DHX37: variants seen among roughly 807,000 people sequenced by gnomAD.
DHX37 encodes the protein probable ATP-dependent RNA helicase DHX37.
A neutral mutation model predicts 134.3 loss-of-function variants in DHX37; 52 were observed. The ratio of observed to expected loss-of-function variants is 0.39; its 90% CI spans 0.31 to 0.49. DHX37 has a LOEUF of 0.49. Ranked by LOEUF, DHX37 falls within the 20% of genes least tolerant of loss-of-function variation. The pLI is 0.93. For missense variants in DHX37, 1,344 were observed against 1,580.8 expected (o/e 0.85, Z 2.54); for synonymous variants, 634 against 670.7 (o/e 0.95, Z 0.85).
At chr12:124,975,155 GC>G (rs1242792955) in intron 6 of DHX37, among the ~76,000 whole-genome samples, 3 of 152,172 alleles carry the variant, frequency 2.0e-5, no homozygotes, top group Non-Finnish European at 4.4e-5. Context: ...CCTGCATCTG[GC>G]CCCCTGCTCT....
chr12:124,977,511 C>T (rs1377167323), intron 4 of DHX37, 21 bp from the exon 5 acceptor site: 1 of 1,579,380 alleles, frequency 6.3e-7, no homozygotes, highest in Admixed American at 1.9e-5. Context: ...AGGAAGTCAG[C>T]ACTTAGGGAG....
At chr12:124,967,569 C>T (rs1954416393) in intron 10 of DHX37, among the ~76,000 whole-genome samples, 1 of 152,174 alleles carries the variant, frequency 6.6e-6, no homozygotes. Context: ...TGCCCAAGCT[C>T]CAGCCTCACC....
At chr12:124,977,635 G>T in intron 4 of DHX37, 145 bp from the exon 5 acceptor site, 3 of 875,406 alleles carry the variant, frequency 3.4e-6, no homozygotes, top group Non-Finnish European at 4.7e-6. Flanking sequence ...GAGGGGACCA[G>T]GAGCCATGGT....
In DHX37 at chr12:124,953,870, G is replaced by T. The variant is rs750718566; in HGVS notation, c.2695+10C>A. On this transcript the variant is annotated intron_variant, in intron 20 of 26. Coordinates refer to ENST00000308736, the MANE Select transcript of DHX37 (RefSeq NM_032656.4). Reference sequence around the variant, plus strand: ...GCCGGGTGCAGCGGCGTGCCGGCACGGGGCCGTACCTGCGGTGGTCAGCTG... The same window carrying T: ...GCCGGGTGCAGCGGCGTGCCGGCACTGGGCCGTACCTGCGGTGGTCAGCTG... 3.7e-6 allele frequency: 6 copies of T among 1,609,128 alleles called. No homozygotes were observed. In the Admixed American group the frequency reaches 6.7e-5, roughly 18 times the overall value.
Position 124,964,586 on chromosome 12 carries a change from A to G in DHX37, c.1853T>C (p.Val618Ala). 3 of 1,613,520 alleles carry G rather than the reference A, an allele frequency of 1.9e-6. No individual in the cohort carries two copies. Among genetic ancestry groups the G allele is most frequent in the Non-Finnish European group, 2.5e-6 (3 of 1,179,528 alleles). ...CGACGTCTCGGCCACATTGGTGGCCACAACACACAACCGAGTCCCCTCCGG... is the reference window on the plus strand; with the variant it reads ...CGACGTCTCGGCCACATTGGTGGCCGCAACACACAACCGAGTCCCCTCCGG... ...PPPEGTRLCV[V>A]ATNVAETSLT... Residue 618 changes from valine to alanine, a missense_variant, in exon 15 of 27, where the codon GTG becomes GCG. By Grantham distance (64) the Val-to-Ala change is moderately conservative. Transcript: ENST00000308736.
intron 5 of DHX37, 148 bp downstream of exon 5, chr12:124,977,194 G>T: frequency 1.0e-6 from 1 of 974,006 alleles, no homozygotes; most frequent in Non-Finnish European, 1.4e-6. Flanking sequence ...CTGGGGCCCA[G>T]AGAGGTTAAG....
At chr12:124,976,320 G>A (rs1954638484) in intron 5 of DHX37, among the ~76,000 whole-genome samples, 1 of 152,230 alleles carries the variant, frequency 6.6e-6, no homozygotes, top group Non-Finnish European at 1.5e-5. Flanking sequence ...AACATGCTGA[G>A]TCCTGGGAGT....
At chr12:124,986,064 C>A in intron 2 of DHX37, 32 bp downstream of exon 2, 2 of 1,610,836 alleles carry the variant, frequency 1.2e-6, no homozygotes, top group Non-Finnish European at 1.7e-6. Flanking sequence ...TGCTGGAGAG[C>A]CACTTGCAGA....
At position 124,950,141 on chromosome 12, in the gene DHX37, C is replaced by T; in HGVS notation, c.3216+8G>A. On this transcript the variant is annotated splice_region_variant and intron_variant, in intron 24 of 26. Coordinates refer to ENST00000308736, the MANE Select transcript of DHX37 (RefSeq NM_032656.4). ...GAGATGAGGGTCTGGAGCCGCTGTGCCACCTACCTGCCCTTCCAGCAGGAA... is the reference window on the plus strand; with the variant it reads ...GAGATGAGGGTCTGGAGCCGCTGTGTCACCTACCTGCCCTTCCAGCAGGAA... 1 of 1,613,992 alleles carries T rather than the reference C, an allele frequency of 6.2e-7. No individual in the cohort carries two copies. Among genetic ancestry groups the T allele is most frequent in the Non-Finnish European group, 8.5e-7 (1 of 1,180,016 alleles).
chr12:124,947,699 A>C lies in DHX37; in HGVS notation c.*103T>G, dbSNP rs1953901365. 2 of 1,402,322 alleles carry C rather than the reference A, an allele frequency of 1.4e-6. No homozygotes were observed. The highest frequency in any genetic ancestry group is 5.2e-4 in the Middle Eastern group (2 of 3,840). The allele number at this position is 1,402,322 out of a possible 1,614,324, so 86.9% of individuals were successfully genotyped here. A position where few individuals can be genotyped will look rare whatever the true frequency, so the allele number is the denominator to read the frequency against. ...AGGGCTTGACCCACTTCCTGAGAGC[A>C]GGCCACGAAGCCCATGCCAGGTGGT... On this transcript the variant is annotated 3_prime_UTR_variant, in exon 27 of 27. Transcript: ENST00000308736.
intron 6 of DHX37, 48 bp downstream of exon 6, chr12:124,975,371 G>A: frequency 6.3e-7 from 1 of 1,593,422 alleles, no homozygotes; most frequent in Middle Eastern, 1.7e-4. Flanking sequence ...ATCTGGGCAA[G>A]GCCACAGGAC....
At chr12:124,973,907 T>C (rs1040039463) in intron 6 of DHX37, among the ~76,000 whole-genome samples, 2 of 151,998 alleles carry the variant, frequency 1.3e-5, no homozygotes, top group East Asian at 3.9e-4. Context: ...CCTCCCAAAG[T>C]CCTGGGATTA....
chr12:124,967,327 G>C lies in DHX37; in HGVS notation c.1409-109C>G, dbSNP rs1013177897. On this transcript the variant is annotated intron_variant, in intron 10 of 26. Transcript: ENST00000308736. ...GAGAGGCAAGGTTCCAGGGATAATG[G>C]GGGAGGACAGGAGTACACAGACATA... 6.6e-5 allele frequency: 79 copies of C among 1,201,790 alleles called. No homozygotes were observed. In the African/African-American group the frequency reaches 1.0e-3, roughly 15 times the overall value. The allele number at this position is 1,201,790 out of a possible 1,614,324, so 74.4% of individuals were successfully genotyped here.
Position 124,980,627 on chromosome 12 carries a change from GCGGC to G in DHX37, c.597_600del (p.Pro200GlnfsTer14). On this transcript the variant is annotated frameshift_variant, in exon 4 of 27. Transcript: ENST00000308736. LOFTEE classifies it high-confidence loss of function. The surrounding 1 kb of genome is among the most constrained non-coding windows in gnomAD (Gnocchi z 5.3). ...GGCTGACTGCTGGGTGCTGGAGCTGGCGGCAGAGGTGCCACGGTGGTCCCCACAC... is the reference window on the plus strand; with the variant it reads ...GGCTGACTGCTGGGTGCTGGAGCTGGAGAGGTGCCACGGTGGTCCCCACAC... 1 of 1,608,444 alleles carries G rather than the reference GCGGC, an allele frequency of 6.2e-7. No homozygotes were observed. Among genetic ancestry groups the G allele is most frequent in the Middle Eastern group, 2.1e-4 (1 of 4,870 alleles).
At chr12:124,981,164 G>A (rs1379342687) in intron 3 of DHX37, among the ~76,000 whole-genome samples, 4 of 152,250 alleles carry the variant, frequency 2.6e-5, no homozygotes, top group East Asian at 1.9e-4. Context: ...TACATCTCCC[G>A]CCATGACACT....
Position 124,964,405 on chromosome 12 carries a change from G to GC in DHX37, c.2033dup (p.His679ProfsTer13). 6.2e-7 allele frequency: 1 copy of GC among 1,613,472 alleles called. No homozygotes were observed. On this transcript the variant is annotated frameshift_variant, in exon 15 of 27. Coordinates refer to ENST00000308736, the MANE Select transcript of DHX37 (RefSeq NM_032656.4). LOFTEE classifies it high-confidence loss of function. ...CCTGGGTGACCCACCTGTAGCAGTG[G>GC]CCGGGCTCCGTCCGTCCTGCTCTGC...
chr12:124,956,826 C>T lies in DHX37; in HGVS notation c.2318G>A (p.Arg773Gln), dbSNP rs754858470. The T allele has an allele frequency of 1.7e-5, 28 of 1,609,630 alleles. No homozygotes were observed. Among genetic ancestry groups the T allele is most frequent in the African/African-American group, 4.0e-5 (3 of 74,650 alleles). ...TGCCACGGGGAATGTGGCCATTGTC[C>T]GGCCCAGCGCAGTGATGGGGCAGCT... Reference protein sequence around the residue: ...RLSCPITALGRTMATFPVAPR... With the variant: ...RLSCPITALGQTMATFPVAPR... The change falls in exon 18 of 27, where the codon CGG becomes CAG. Residue 773 changes from arginine (R) to glutamine (Q), a missense_variant. Arg to Gln is a conservative substitution (Grantham distance 43, BLOSUM62 1). Coordinates refer to ENST00000308736, the MANE Select transcript of DHX37 (RefSeq NM_032656.4).
At chr12:124,975,611 C>T (rs555500605) in intron 5 of DHX37, 100 bp from the exon 6 acceptor site, 589 of 1,301,114 alleles carry the variant, frequency 4.5e-4, no homozygotes, top group Non-Finnish European at 4.3e-4. Context: ...ACTGACCTGG[C>T]GCTCACCCAG....
Position 124,947,771 on chromosome 12 carries a change from C to G in DHX37, c.*31G>C. On this transcript the variant is annotated 3_prime_UTR_variant, in exon 27 of 27. Transcript: ENST00000308736. ...TGCTGCCAGCCCTCCAGTCCCCAAA[C>G]CAGTCCTCGGCCCTGCAGCCAGGTT... 6.5e-7 allele frequency: 1 copy of G among 1,529,956 alleles called. No individual in the cohort carries two copies. The highest frequency in any genetic ancestry group is 8.8e-7 in the Non-Finnish European group (1 of 1,138,078). The allele number at this position is 1,529,956 out of a possible 1,614,324, so 94.8% of individuals were successfully genotyped here.
Sources: gnomAD v4.1 joint callset for allele counts (sites outside exome capture counted in the v4.1 genomes callset) on GRCh38, gnomAD v4.1.1 for gene constraint, Gnocchi (gnomAD v3.1) non-coding constraint, MANE v1.5 for transcripts, NCBI Gene and HGNC (gene_info 2026-07-23, HGNC 2026-07-21) for gene names.